Variants in DAPK1 observed in about 807,000 individuals in gnomAD.
The protein encoded by DAPK1 is death associated protein kinase 1, also known as death-associated protein kinase 1.
In DAPK1, 56 loss-of-function variants were observed where a neutral mutation model predicts 144.9. That is an observed-to-expected ratio of 0.39 (90% CI 0.31 to 0.48). The LOEUF (loss-of-function observed/expected upper bound fraction) is 0.48, where lower values mean the gene tolerates loss of function less well. Among genes scored for constraint, DAPK1 ranks in the 20% least tolerant of loss-of-function variants. The probability of loss-of-function intolerance (pLI) is 0.95; values close to 1 mark genes in which losing one functional copy is unlikely to be tolerated. For synonymous variants in DAPK1, 690 were observed against 749.0 expected (o/e 0.92, Z 1.29); for missense variants, 1,454 against 1,875.4 (o/e 0.78, Z 4.15).
At chr9:87,619,369 A>C (rs971988840) in intron 3 of DAPK1, among the ~76,000 whole-genome samples, 1 of 152,136 alleles carries the variant, frequency 6.6e-6, no homozygotes, top group Non-Finnish European at 1.5e-5. Context: ...GTAGGAGAGG[A>C]TGTACATGCT....
intron 2 of DAPK1, among the ~76,000 whole-genome samples, chr9:87,535,654 A>G (rs1192981339): frequency 6.6e-6 from 1 of 152,118 alleles, no homozygotes; most frequent in Non-Finnish European, 1.5e-5. Flanking sequence ...TCTCTTTATC[A>G]TAGGAACATA....
chr9:87,590,080 C>T (rs1828071118), intron 2 of DAPK1, among the ~76,000 whole-genome samples: 1 of 152,130 alleles, frequency 6.6e-6, no homozygotes, highest in South Asian at 2.1e-4. Context: ...AAAGTTGATT[C>T]TTGACGTTTT....
At chr9:87,675,828 C>A (rs1824348350) in intron 19 of DAPK1, among the ~76,000 whole-genome samples, 1 of 144,156 alleles carries the variant, frequency 6.9e-6, no homozygotes, top group African/African-American at 2.6e-5. Context: ...AGAGCTAATA[C>A]AGGTAAATAC....
At position 87,516,668 on chromosome 9, in the gene DAPK1, G is replaced by A. The variant is rs200387990; in HGVS notation, c.62+17529G>A. ...CTGGATGGTTTAGCATGCTGCGTGT[G>A]TGGCCAGGGGCAGCCCACATGGCTT... On this transcript the variant is annotated intron_variant, in intron 2 of 25. Transcript: ENST00000408954. Among the ~76,000 whole-genome samples, 7 of 152,156 alleles carry A rather than the reference G, an allele frequency of 4.6e-5. No homozygotes were observed. The East Asian group carries it at 5.8e-4, about 13-fold the overall frequency.
At chr9:87,661,690 G>A (rs1271710143) in intron 18 of DAPK1, among the ~76,000 whole-genome samples, 1 of 152,138 alleles carries the variant, frequency 6.6e-6, no homozygotes, top group Non-Finnish European at 1.5e-5. Context: ...TGTTGTTCTT[G>A]TTGAGTTGTT....
intron 3 of DAPK1, among the ~76,000 whole-genome samples, chr9:87,629,277 C>T (rs1829584044): frequency 6.6e-6 from 1 of 152,178 alleles, no homozygotes; most frequent in South Asian, 2.1e-4. Context: ...CAGTTGCAGG[C>T]GGGGATGGGA....
chr9:87,636,240 C>T (rs1196228270), intron 3 of DAPK1, among the ~76,000 whole-genome samples: 1 of 152,130 alleles, frequency 6.6e-6, no homozygotes. Context: ...CGCTTGGACT[C>T]CTGGATGTCC....
At chr9:87,641,791 A>C (rs979638836) in intron 9 of DAPK1, among the ~76,000 whole-genome samples, 178 bp from the exon 10 acceptor site, 5 of 152,234 alleles carry the variant, frequency 3.3e-5, no homozygotes, top group African/African-American at 1.2e-4. Flanking sequence ...CCTGAGATAG[A>C]AGAGTGAGCC....
At chr9:87,644,279 A>G (rs1437343288) in intron 11 of DAPK1, among the ~76,000 whole-genome samples, 1 of 152,194 alleles carries the variant, frequency 6.6e-6, no homozygotes, top group Non-Finnish European at 1.5e-5. Context: ...AAGTGTCCGA[A>G]TTCAACAAGA....
At chr9:87,646,625 G>A (rs920572639) in intron 13 of DAPK1, 66 bp downstream of exon 13, 3 of 1,304,608 alleles carry the variant, frequency 2.3e-6, no homozygotes, top group African/African-American at 3.0e-5. Context: ...TAATCATAGG[G>A]GTAACAGAGG....
intron 18 of DAPK1, among the ~76,000 whole-genome samples, chr9:87,665,301 A>C (rs1164242305): frequency 6.6e-6 from 1 of 152,240 alleles, no homozygotes; most frequent in Non-Finnish European, 1.5e-5. Flanking sequence ...ATACGCACTC[A>C]GTAAATACCT....
chr9:87,652,204 C>CT (rs1830468883), intron 17 of DAPK1, among the ~76,000 whole-genome samples: 5 of 73,152 alleles, frequency 6.8e-5, no homozygotes, highest in Non-Finnish European at 7.9e-5. Context: ...TCCATCCCCC[C>CT]GATCCCGGGT....
chr9:87,702,498 G>T lies in DAPK1; in HGVS notation c.2872-531G>T, dbSNP rs36219453. ...TGTTCATAAAGTGATCATTGCCTGAGTGAAACAGTCACGAGAGAGAGAGCG... is the reference window on the plus strand; with the variant it reads ...TGTTCATAAAGTGATCATTGCCTGATTGAAACAGTCACGAGAGAGAGAGCG... On this transcript the variant is annotated intron_variant, in intron 24 of 25. Coordinates refer to ENST00000408954, the MANE Select transcript of DAPK1 (RefSeq NM_004938.4). Among the ~76,000 whole-genome samples, 338 of 152,248 alleles carry T rather than the reference G, an allele frequency of 2.2e-3. 2 individuals carry two copies. Among genetic ancestry groups the T allele is most frequent in the African/African-American group, 7.9e-3 (329 of 41,526 alleles).
At chr9:87,650,149 G>T in intron 16 of DAPK1, 31 bp downstream of exon 16, 1 of 1,610,968 alleles carries the variant, frequency 6.2e-7, no homozygotes, top group South Asian at 1.1e-5. Context: ...CATATGCACT[G>T]GGAAGTGATC....
chr9:87,536,932 G>A (rs1014000519), intron 2 of DAPK1, among the ~76,000 whole-genome samples: 3 of 151,422 alleles, frequency 2.0e-5, no homozygotes, highest in African/African-American at 7.3e-5. Flanking sequence ...AGCAGTAATA[G>A]TTGTTTTAGA....
chr9:87,634,993 C>T (rs999049378), intron 3 of DAPK1, among the ~76,000 whole-genome samples: 1 of 152,140 alleles, frequency 6.6e-6, no homozygotes, highest in Non-Finnish European at 1.5e-5. Flanking sequence ...AGGATGACTC[C>T]GTAAGCTATG....
At chr9:87,617,433 C>A (rs1564025302) in intron 3 of DAPK1, among the ~76,000 whole-genome samples, 1 of 152,182 alleles carries the variant, frequency 6.6e-6, no homozygotes, top group East Asian at 1.9e-4. Flanking sequence ...AGAAGGGATG[C>A]GAGTGGTCTT....
chr9:87,563,990 T>TTTA (rs1827025772), intron 2 of DAPK1, among the ~76,000 whole-genome samples: 1 of 152,200 alleles, frequency 6.6e-6, no homozygotes, highest in Non-Finnish European at 1.5e-5. Context: ...ATTTTGGATA[T>TTTA]GTTCTTTATT....
intron 10 of DAPK1, among the ~76,000 whole-genome samples, chr9:87,642,710 C>T (rs1430765105): frequency 6.6e-6 from 1 of 152,126 alleles, no homozygotes; most frequent in African/African-American, 2.4e-5. Context: ...AAATGTACCT[C>T]GTTTTCACAC....
Sources: allele counts gnomAD v4.1 joint callset (sites outside exome capture counted in the v4.1 genomes callset), GRCh38; gene constraint gnomAD v4.1.1; transcripts MANE v1.5; gene names NCBI Gene and HGNC (gene_info 2026-07-23, HGNC 2026-07-21).